ADAM29: variants seen among roughly 807,000 people sequenced by gnomAD.
The protein encoded by ADAM29 is disintegrin and metalloproteinase domain-containing protein 29.
For synonymous variants in ADAM29, 367 were observed against 342.3 expected, an observed-to-expected ratio of 1.07 and a Z score of -0.80; for missense variants, 969 against 1,001.8, an observed-to-expected ratio of 0.97 and a Z score of 0.44.
At chr4:174,926,769 T>A (rs2110911992) in intron 2 of ADAM29, among the ~76,000 whole-genome samples, 1 of 151,762 alleles carries the variant, frequency 6.6e-6, no homozygotes, top group Admixed American at 6.6e-5. Flanking sequence ...TAACACTGTT[T>A]CCCCAGTTTC....
chr4:174,977,307 T>C lies in ADAM29; in HGVS notation c.1782T>C (p.Asp594=), dbSNP rs1746895717. The change falls in exon 5 of 5, where the codon GAT becomes GAC. Residue 594 remains aspartate, a synonymous_variant. Coordinates refer to ENST00000359240, the MANE Select transcript of ADAM29 (RefSeq NM_014269.4). ...ACCATTTGGGGATGAAGGGACCTGA[T>C]ATTGGTGAAGTGAAAGATGGAACAG... is the stretch of plus-strand genomic sequence containing the variant. ...TDYHLGMKGP[D]IGEVKDGTEC... is the part of the protein sequence containing the mutation. 6.2e-7 allele frequency: 1 copy of C among 1,613,800 alleles called. No homozygotes were observed. The highest frequency in any genetic ancestry group is 8.5e-7 in the Non-Finnish European group (1 of 1,180,020).
At position 174,932,231 on chromosome 4, in the gene ADAM29, G is replaced by A. The variant is rs543246115; in HGVS notation, c.-262+1057G>A. ...GAACCTGGGAGGTGGAGGTTGCAGT[G>A]AGCCAAGATCATGCCATTGCATTCC... On this transcript the variant is annotated intron_variant, in intron 3 of 4. Coordinates refer to ENST00000359240, the MANE Select transcript of ADAM29 (RefSeq NM_014269.4). 9.2e-5 allele frequency among the ~76,000 whole-genome samples: 14 copies of A among 152,074 alleles called. 1 individual carries two copies. In the South Asian group the frequency reaches 1.7e-3, roughly 18 times the overall value.
intron 4 of ADAM29, among the ~76,000 whole-genome samples, chr4:174,961,188 G>C (rs1007264433): frequency 6.6e-6 from 1 of 151,572 alleles, no homozygotes; most frequent in Non-Finnish European, 1.5e-5. Context: ...CATTTATGAT[G>C]GTTATTTTTT....
intron 4 of ADAM29, among the ~76,000 whole-genome samples, chr4:174,954,646 A>G (rs1167473414): frequency 1.3e-5 from 2 of 152,084 alleles, no homozygotes; most frequent in African/African-American, 4.8e-5. Context: ...TTAACACCTG[A>G]GTCACTGCAT....
intron 4 of ADAM29, among the ~76,000 whole-genome samples, chr4:174,961,279 A>G (rs1745804668): frequency 6.6e-6 from 1 of 151,308 alleles, no homozygotes; most frequent in Admixed American, 6.6e-5. Flanking sequence ...ATCTTATTTG[A>G]TATTATGATA....
At chr4:174,950,088 C>G (rs1161599600) in intron 4 of ADAM29, among the ~76,000 whole-genome samples, 3 of 152,110 alleles carry the variant, frequency 2.0e-5, no homozygotes, top group Non-Finnish European at 4.4e-5. Flanking sequence ...TAATAAGTAA[C>G]AAATAAGCAA....
chr4:174,922,038 C>T (rs1743192282), intron 2 of ADAM29, among the ~76,000 whole-genome samples: 1 of 152,208 alleles, frequency 6.6e-6, no homozygotes, highest in South Asian at 2.1e-4. Flanking sequence ...GTTAATGATT[C>T]TTTTTAACCT....
intron 3 of ADAM29, among the ~76,000 whole-genome samples, chr4:174,934,821 C>T (rs1744108892): frequency 6.6e-6 from 1 of 152,090 alleles, no homozygotes; most frequent in South Asian, 2.1e-4. Context: ...ATGGGACCTT[C>T]AATTTGGCCC....
chr4:174,947,368 G>C (rs999474460), intron 4 of ADAM29, among the ~76,000 whole-genome samples: 1 of 152,032 alleles, frequency 6.6e-6, no homozygotes, highest in East Asian at 1.9e-4. Context: ...CTAACTTTTA[G>C]GTGTGGGCAT....
At chr4:174,949,106 GC>G (rs1745017666) in intron 4 of ADAM29, among the ~76,000 whole-genome samples, 1 of 152,132 alleles carries the variant, frequency 6.6e-6, no homozygotes, top group Non-Finnish European at 1.5e-5. Context: ...CCCAGGAACT[GC>G]CCTGGTTGGG....
At chr4:174,928,429 G>C (rs1293059038) in intron 2 of ADAM29, among the ~76,000 whole-genome samples, 1 of 151,868 alleles carries the variant, frequency 6.6e-6, no homozygotes, top group Non-Finnish European at 1.5e-5. Context: ...GTCAGTGAAG[G>C]GGGGTTTGTC....
At chr4:174,922,541 C>T (rs1473096462) in intron 2 of ADAM29, among the ~76,000 whole-genome samples, 2 of 152,074 alleles carry the variant, frequency 1.3e-5, no homozygotes, top group Non-Finnish European at 2.9e-5. Context: ...GCATAAGAAA[C>T]TCAGAGGTAC....
chr4:174,922,475 G>T (rs1743220343), intron 2 of ADAM29, among the ~76,000 whole-genome samples: 1 of 152,102 alleles, frequency 6.6e-6, no homozygotes, highest in South Asian at 2.1e-4. Flanking sequence ...CATTTATAAG[G>T]TAATTCTTCT....
At chr4:174,958,253 G>A (rs1745620241) in intron 4 of ADAM29, among the ~76,000 whole-genome samples, 1 of 151,400 alleles carries the variant, frequency 6.6e-6, no homozygotes, top group Non-Finnish European at 1.5e-5. Context: ...GGGGGGTGGG[G>A]AATTATCCAA....
chr4:174,973,697 ATACTT>A (rs1287770028), intron 4 of ADAM29, among the ~76,000 whole-genome samples: 1 of 152,108 alleles, frequency 6.6e-6, no homozygotes, highest in Non-Finnish European at 1.5e-5. Context: ...CAATATTATT[ATACTT>A]TACTTTGCTT....
intron 4 of ADAM29, among the ~76,000 whole-genome samples, chr4:174,964,771 T>A (rs1401796236): frequency 1.3e-5 from 2 of 152,146 alleles, no homozygotes; most frequent in Non-Finnish European, 2.9e-5. Context: ...AGTAAAACTC[T>A]TAACATAGAA....
At chr4:174,929,620 C>A (rs1444647368) in intron 2 of ADAM29, among the ~76,000 whole-genome samples, 1 of 151,140 alleles carries the variant, frequency 6.6e-6, no homozygotes, top group African/African-American at 2.4e-5. Context: ...TCCTGAGTTT[C>A]CACCCCAGTG....
intron 4 of ADAM29, among the ~76,000 whole-genome samples, chr4:174,956,903 T>A (rs1053970089): frequency 5.3e-5 from 8 of 152,028 alleles, no homozygotes; most frequent in Admixed American, 5.2e-4. Context: ...TTCCTAAAAG[T>A]CATGTTCCAT....
chr4:174,927,663 T>G (rs1190286957), intron 2 of ADAM29, among the ~76,000 whole-genome samples: 1 of 152,236 alleles, frequency 6.6e-6, no homozygotes, highest in Non-Finnish European at 1.5e-5. Context: ...GCAGCCTTGG[T>G]GAACTCACTT....
Sources: allele counts gnomAD v4.1 joint callset (sites outside exome capture counted in the v4.1 genomes callset), GRCh38; gene constraint gnomAD v4.1.1; transcripts MANE v1.5; gene names NCBI Gene and HGNC (gene_info 2026-07-23, HGNC 2026-07-21).